Variants in NAALADL2 observed in about 807,000 individuals in gnomAD.
The protein encoded by NAALADL2 is N-acetylated alpha-linked acidic dipeptidase like 2.
A neutral mutation model predicts 87.2 loss-of-function variants in NAALADL2; 76 were observed. The ratio of observed to expected loss-of-function variants is 0.87; its 90% confidence interval spans 0.72 to 1.05. The LOEUF (loss-of-function observed/expected upper bound fraction) is 1.05, where lower values mean the gene tolerates loss of function less well. Ranked by LOEUF, NAALADL2 falls within the 50% of genes least tolerant of loss-of-function variation. The pLI, the probability that NAALADL2 is intolerant of heterozygous loss-of-function variation, is 0.00. For missense variants in NAALADL2, 1,089 were observed against 945.8 expected (o/e 1.15, Z -1.99); for synonymous variants, 354 against 331.0 (o/e 1.07, Z -0.75).
intron 3 of NAALADL2, among the ~76,000 whole-genome samples, chr3:174,808,953 T>G (rs1301350238): frequency 6.6e-6 from 1 of 152,108 alleles, no homozygotes; most frequent in Non-Finnish European, 1.5e-5. Context: ...AATCATTTTT[T>G]AAAAATCACA....
chr3:174,997,044 G>GTA (rs146460251), intron 1 of NAALADL2, among the ~76,000 whole-genome samples: 119 of 101,538 alleles, frequency 1.2e-3, no homozygotes, highest in African/African-American at 4.1e-3. Flanking sequence ...GTGTGTATGT[G>GTA]TATATATATA....
At chr3:175,516,594 A>G (rs907837417) in intron 9 of NAALADL2, among the ~76,000 whole-genome samples, 3 of 152,196 alleles carry the variant, frequency 2.0e-5, no homozygotes, top group African/African-American at 7.2e-5. Context: ...GGAACAACTT[A>G]TTTGCCAATT....
intron 1 of NAALADL2, among the ~76,000 whole-genome samples, chr3:174,498,155 T>C (rs9874000): frequency 0.62 from 93,398 of 151,854 alleles, 29,334 homozygotes; most frequent in East Asian, 0.89. Context: ...ATGTACCTCA[T>C]CCCCAAGAGT....
At chr3:175,528,995 G>A (rs548347133) in intron 9 of NAALADL2, among the ~76,000 whole-genome samples, 5 of 152,146 alleles carry the variant, frequency 3.3e-5, no homozygotes, top group Non-Finnish European at 7.3e-5. Flanking sequence ...ACCTCAGCAG[G>A]TCGTGGATTT....
intron 11 of NAALADL2, among the ~76,000 whole-genome samples, chr3:175,637,012 T>A (rs1269653485): frequency 6.6e-6 from 1 of 152,228 alleles, no homozygotes; most frequent in Non-Finnish European, 1.5e-5. Context: ...TTGAAAATAT[T>A]TTGTTGAGAA....
intron 3 of NAALADL2, among the ~76,000 whole-genome samples, chr3:174,762,852 G>T (rs919538138): frequency 2.0e-5 from 3 of 152,096 alleles, no homozygotes; most frequent in African/African-American, 7.2e-5. Context: ...CATGGAGCTT[G>T]AAAAATTAAA....
chr3:175,371,461 G>T (rs1365960423), intron 5 of NAALADL2, among the ~76,000 whole-genome samples: 4 of 151,982 alleles, frequency 2.6e-5, no homozygotes, highest in East Asian at 1.9e-4. Flanking sequence ...TAGAGATGGG[G>T]TTTCACCGTG....
chr3:175,324,576 T>G (rs1211410729), intron 5 of NAALADL2, among the ~76,000 whole-genome samples: 4 of 152,210 alleles, frequency 2.6e-5, no homozygotes, highest in Non-Finnish European at 5.9e-5. Flanking sequence ...CAGAAATGTA[T>G]TTTATGTGTT....
At chr3:175,380,724 T>C (rs1396166380) in intron 5 of NAALADL2, among the ~76,000 whole-genome samples, 2 of 152,142 alleles carry the variant, frequency 1.3e-5, no homozygotes, top group African/African-American at 4.8e-5. Flanking sequence ...TTTTTATGTT[T>C]TGAGAAACTG....
chr3:175,115,885 C>T lies in NAALADL2; in HGVS notation c.545+18594C>T, dbSNP rs191996351. On this transcript the variant is annotated intron_variant, in intron 2 of 13. Coordinates refer to ENST00000454872, the MANE Select transcript of NAALADL2 (RefSeq NM_207015.3). ...AGCAGCACATCAAAAAGCTTATCCA[C>T]CACAATCAAGTTGGCTTCATCCCTG... 1.1e-4 allele frequency among the ~76,000 whole-genome samples: 16 copies of T among 152,002 alleles called. No individual in the cohort carries two copies. In the East Asian group the frequency reaches 2.9e-3, roughly 28 times the overall value.
chr3:174,812,665 C>A (rs1039501324), intron 3 of NAALADL2, among the ~76,000 whole-genome samples: 1 of 151,598 alleles, frequency 6.6e-6, no homozygotes, highest in Non-Finnish European at 1.5e-5. Context: ...CATGCTATTG[C>A]CCCTGAAGAC....
rs898170185 is a variant in NAALADL2 at position 175,035,988 on chromosome 3, G to A, written c.44-60802G>A. On this transcript the variant is annotated intron_variant, in intron 1 of 13. Transcript: ENST00000454872. The stretch of plus-strand genomic sequence containing the variant: ...AGCTTGTATAGATGAGGCAAGTAAA[G>A]CGGGTAGACCTACATAAAAGTGAAG... Among the ~76,000 whole-genome samples the A allele has an allele frequency of 6.1e-4, 93 of 152,270 alleles. 1 individual carries two copies. Among genetic ancestry groups the A allele is most frequent in the African/African-American group, 2.1e-3 (87 of 41,578 alleles).
At chr3:175,224,068 T>C (rs956819634) in intron 2 of NAALADL2, among the ~76,000 whole-genome samples, 9 of 151,850 alleles carry the variant, frequency 5.9e-5, no homozygotes, top group African/African-American at 1.9e-4. Context: ...AGAGAGAGAG[T>C]TGGCGGCTCT....
At chr3:175,274,181 G>C (rs1753255320) in intron 4 of NAALADL2, among the ~76,000 whole-genome samples, 1 of 152,124 alleles carries the variant, frequency 6.6e-6, no homozygotes, top group Non-Finnish European at 1.5e-5. Flanking sequence ...CGTCTTTGTG[G>C]CAGCAGGCAA....
At chr3:175,372,162 T>C (rs1223713760) in intron 5 of NAALADL2, among the ~76,000 whole-genome samples, 1 of 152,236 alleles carries the variant, frequency 6.6e-6, no homozygotes, top group Non-Finnish European at 1.5e-5. Context: ...CCCTGCAGAC[T>C]TTACTGAACT....
At chr3:175,545,161 C>T (rs1459555625) in intron 9 of NAALADL2, among the ~76,000 whole-genome samples, 6 of 152,076 alleles carry the variant, frequency 3.9e-5, no homozygotes, top group African/African-American at 1.4e-4. Context: ...GATCAGAGGT[C>T]TTACATGACT....
Position 174,906,547 on chromosome 3 carries a change from C to T in NAALADL2, c.43+47097C>T, listed in dbSNP as rs180952440. 8.7e-4 allele frequency among the ~76,000 whole-genome samples: 133 copies of T among 152,176 alleles called. 1 individual carries two copies. Among genetic ancestry groups the T allele is most frequent in the Middle Eastern group, 6.8e-3 (2 of 294 alleles). ...TACATGGCAAGGATTTGAAGAAAGC[C>T]TCTGGTTAGCAGCTAGTGAGGAACT... On this transcript the variant is annotated intron_variant, in intron 1 of 13. Transcript: ENST00000454872.
At chr3:174,735,798 T>C (rs1187982193) in intron 2 of NAALADL2, among the ~76,000 whole-genome samples, 1 of 152,156 alleles carries the variant, frequency 6.6e-6, no homozygotes, top group Non-Finnish European at 1.5e-5. Context: ...CTTTTCTGTT[T>C]GGAAACCTCT....
intron 3 of NAALADL2, among the ~76,000 whole-genome samples, chr3:174,839,160 G>A (rs961950508): frequency 3.9e-5 from 6 of 152,026 alleles, no homozygotes; most frequent in African/African-American, 1.4e-4. Flanking sequence ...ACAACAAAGG[G>A]ACAGCATAGA....
Sources: gnomAD v4.1 joint callset for allele counts (sites outside exome capture counted in the v4.1 genomes callset) on GRCh38, gnomAD v4.1.1 for gene constraint, MANE v1.5 for transcripts, NCBI Gene and HGNC (gene_info 2026-07-23, HGNC 2026-07-21) for gene names.